Variants in CTIF observed in about 807,000 individuals in gnomAD.
CTIF encodes the protein cap binding complex dependent translation initiation factor, also known as CBP80/20-dependent translation initiation factor.
In CTIF, 21 loss-of-function variants were observed where a neutral mutation model predicts 66.0. The observed-to-expected ratio is 0.32, with a 90% CI of 0.23 to 0.46. The LOEUF is 0.46. Among genes scored for constraint, CTIF ranks in the 20% least tolerant of loss-of-function variants. The probability of loss-of-function intolerance (pLI) is 1.00; values close to 1 mark genes in which losing one functional copy is unlikely to be tolerated. For synonymous variants in CTIF, 345 were observed against 326.4 expected (o/e 1.06, Z -0.62); for missense variants, 739 against 812.7 (o/e 0.91, Z 1.10).
chr18:48,816,019 AAAC>A (rs2068356311), intron 9 of CTIF, among the ~76,000 whole-genome samples: 1 of 152,206 alleles, frequency 6.6e-6, no homozygotes, highest in Non-Finnish European at 1.5e-5. Context: ...GAGGCTGAAC[AAAC>A]AACCATAAAA....
At chr18:48,725,312 G>T (rs1331064096) in intron 7 of CTIF, among the ~76,000 whole-genome samples, 3 of 152,156 alleles carry the variant, frequency 2.0e-5, no homozygotes, top group African/African-American at 7.2e-5. Context: ...GCTCAGTCAG[G>T]GGTAGGGTAG....
At chr18:48,733,710 C>G (rs1228127964) in intron 7 of CTIF, among the ~76,000 whole-genome samples, 1 of 152,242 alleles carries the variant, frequency 6.6e-6, no homozygotes, top group Non-Finnish European at 1.5e-5. Flanking sequence ...TTTTCATTTG[C>G]AGCCCGTGAT....
intron 7 of CTIF, among the ~76,000 whole-genome samples, chr18:48,739,016 T>C (rs2092530247): frequency 6.6e-6 from 1 of 152,148 alleles, no homozygotes; most frequent in African/African-American, 2.4e-5. Context: ...AGTCTTAGCC[T>C]CAGAGTCCAG....
rs191530284 is a variant in CTIF at position 48,757,750 on chromosome 18, C to A, written c.585-169C>A. Reference sequence around the variant, plus strand: ...CCGGTCTGCCTGTTCTCGGCTGTATCCCCAGGGGCTGTCACAGACTCTGGC... The same window carrying A: ...CCGGTCTGCCTGTTCTCGGCTGTATACCCAGGGGCTGTCACAGACTCTGGC... On this transcript the variant is annotated intron_variant, in intron 7 of 11. Transcript: ENST00000256413. Among the ~76,000 whole-genome samples the A allele has an allele frequency of 6.7e-4, 102 of 152,318 alleles. 2 individuals are homozygous for A. In the East Asian group the frequency reaches 0.014, roughly 20 times the overall value.
At chr18:48,713,904 G>C (rs1185368334) in intron 7 of CTIF, among the ~76,000 whole-genome samples, 1 of 152,248 alleles carries the variant, frequency 6.6e-6, no homozygotes, top group African/African-American at 2.4e-5. Context: ...AACACAGAGC[G>C]TGTGCTCGTC....
At chr18:48,746,606 T>G (rs938336689) in intron 7 of CTIF, among the ~76,000 whole-genome samples, 10 of 151,822 alleles carry the variant, frequency 6.6e-5, no homozygotes, top group African/African-American at 2.4e-4. Flanking sequence ...ACCAAAGGTT[T>G]CAGGTCAGAG....
intron 10 of CTIF, among the ~76,000 whole-genome samples, chr18:48,840,524 G>T (rs1408285983): frequency 6.6e-6 from 1 of 152,106 alleles, no homozygotes; most frequent in East Asian, 1.9e-4. Context: ...AAACTTCCAG[G>T]TGCCAATTAA....
At chr18:48,561,965 A>T (rs184482799) in intron 1 of CTIF, among the ~76,000 whole-genome samples, 348 of 152,338 alleles carry the variant, frequency 2.3e-3, no homozygotes, top group Non-Finnish European at 3.5e-3. Flanking sequence ...TTCTTCACGT[A>T]CATCTACGGT....
intron 2 of CTIF, among the ~76,000 whole-genome samples, chr18:48,632,280 T>G (rs1482968647): frequency 6.6e-6 from 1 of 152,166 alleles, no homozygotes; most frequent in Admixed American, 6.5e-5. Context: ...GAGCTTGCTG[T>G]GCTAAGTGTG....
At chr18:48,668,642 C>T (rs1419303828) in intron 5 of CTIF, among the ~76,000 whole-genome samples, 1 of 152,056 alleles carries the variant, frequency 6.6e-6, no homozygotes, top group Non-Finnish European at 1.5e-5. Context: ...ATGCTCTAGC[C>T]ACAGCAAACT....
At chr18:48,639,887 ACT>A (rs988085987) in intron 3 of CTIF, among the ~76,000 whole-genome samples, 11 of 151,798 alleles carry the variant, frequency 7.2e-5, no homozygotes, top group African/African-American at 2.7e-4. Context: ...TTCCCAGGAA[ACT>A]CTGATTTCTG....
At chr18:48,781,937 T>C (rs1354182520) in intron 9 of CTIF, among the ~76,000 whole-genome samples, 1 of 152,180 alleles carries the variant, frequency 6.6e-6, no homozygotes, top group Non-Finnish European at 1.5e-5. Context: ...GTTTGTAAAC[T>C]GTAAAGTGCC....
rs146825410 is a variant in CTIF at position 48,679,476 on chromosome 18, T to C, written c.507+8732T>C. Among the ~76,000 whole-genome samples the C allele has an allele frequency of 4.1e-3, 627 of 152,300 alleles. 4 individuals are homozygous for C. The highest frequency in any genetic ancestry group is 0.014 in the African/African-American group (578 of 41,562). On this transcript the variant is annotated intron_variant, in intron 6 of 11. Transcript: ENST00000256413. ...GTCCAACAGCTTCCTTCTGTGGGTT[T>C]CTTGGCGGGTGGGAGATGGAGGGCA... is the stretch of plus-strand genomic sequence containing the variant.
chr18:48,656,191 G>T (rs2091244597), intron 3 of CTIF, among the ~76,000 whole-genome samples: 1 of 152,216 alleles, frequency 6.6e-6, no homozygotes, highest in Non-Finnish European at 1.5e-5. Context: ...GCAGGGGAGG[G>T]ATACGTTCCT....
chr18:48,784,184 GCGGCACACCCAGA>G (rs1444879385), intron 9 of CTIF, among the ~76,000 whole-genome samples: 1 of 152,208 alleles, frequency 6.6e-6, no homozygotes, highest in Non-Finnish European at 1.5e-5. Context: ...TGCTGTCATC[GCGGCACACCCAGA>G]CGGCCCCGAG....
chr18:48,602,120 C>G (rs749947308), intron 1 of CTIF, among the ~76,000 whole-genome samples: 3 of 152,222 alleles, frequency 2.0e-5, no homozygotes, highest in East Asian at 1.9e-4. Flanking sequence ...GCCTACTGTT[C>G]ATAGTGTCAC....
intron 1 of CTIF, among the ~76,000 whole-genome samples, chr18:48,615,914 G>A (rs116095563): frequency 1.1e-3 from 173 of 152,314 alleles, no homozygotes; most frequent in African/African-American, 4.0e-3. Flanking sequence ...TTCCTTCCTC[G>A]GGGCACCAAA....
chr18:48,633,156 C>T (rs1196596391), intron 2 of CTIF, among the ~76,000 whole-genome samples: 1 of 152,106 alleles, frequency 6.6e-6, no homozygotes, highest in African/African-American at 2.4e-5. Context: ...TTCAGGATGC[C>T]TGGAAGGGGA....
chr18:48,707,338 G>A (rs1468376831), intron 6 of CTIF, among the ~76,000 whole-genome samples: 1 of 151,172 alleles, frequency 6.6e-6, no homozygotes, highest in Admixed American at 6.5e-5. Flanking sequence ...CAGGCCACCA[G>A]AAGCAACAAC....
Sources: allele counts gnomAD v4.1 joint callset (sites outside exome capture counted in the v4.1 genomes callset), GRCh38; gene constraint gnomAD v4.1.1; transcripts MANE v1.5; gene names NCBI Gene and HGNC (gene_info 2026-07-23, HGNC 2026-07-21).